Variants in GRIP1 observed in about 807,000 individuals in gnomAD.
GRIP1 encodes glutamate receptor-interacting protein 1.
In GRIP1, 45 loss-of-function variants were observed where a neutral mutation model predicts 129.9. That is an observed-to-expected ratio of 0.35 (90% CI 0.27 to 0.44). GRIP1 has a LOEUF of 0.44. Among genes scored for constraint, GRIP1 ranks in the 20% least tolerant of loss-of-function variants. The probability of loss-of-function intolerance (pLI) is 1.00; values close to 1 mark genes in which losing one functional copy is unlikely to be tolerated. For synonymous variants in GRIP1, 530 were observed against 520.8 expected (o/e 1.02, Z -0.24); for missense variants, 1,196 against 1,396.8 (o/e 0.86, Z 2.29).
At chr12:66,989,488 G>A (rs913623922) in intron 1 of GRIP1, among the ~76,000 whole-genome samples, 1 of 152,148 alleles carries the variant, frequency 6.6e-6, no homozygotes, top group Non-Finnish European at 1.5e-5. Context: ...TGCCTTCAGG[G>A]TTTGGAGTAA....
intron 2 of GRIP1, among the ~76,000 whole-genome samples, chr12:66,547,403 G>A (rs568374310): frequency 6.6e-6 from 1 of 152,214 alleles, no homozygotes; most frequent in East Asian, 1.9e-4. Context: ...CACCCTATGA[G>A]CCAGAAATTA....
chr12:66,970,540 C>CTT (rs3051201), intron 1 of GRIP1, among the ~76,000 whole-genome samples: 32,862 of 129,092 alleles, frequency 0.25, 4,318 homozygotes, highest in Middle Eastern at 0.33. Flanking sequence ...CCTCTAGTGT[C>CTT]TTTTTTTTTT....
At chr12:66,657,284 C>T (rs899457906) in intron 1 of GRIP1, among the ~76,000 whole-genome samples, 11 of 152,280 alleles carry the variant, frequency 7.2e-5, no homozygotes, top group Middle Eastern at 3.4e-3. Flanking sequence ...AGGACCCTCC[C>T]CACCACCCTG....
chr12:66,653,772 A>T (rs1243695018), intron 1 of GRIP1, among the ~76,000 whole-genome samples: 1 of 152,214 alleles, frequency 6.6e-6, no homozygotes, highest in Non-Finnish European at 1.5e-5. Context: ...AATGAAATTT[A>T]AAACAAAATT....
chr12:66,736,990 A>G (rs529547230), intron 1 of GRIP1, among the ~76,000 whole-genome samples: 4 of 151,822 alleles, frequency 2.6e-5, no homozygotes, highest in African/African-American at 9.7e-5. Context: ...CAGACTGACA[A>G]CTATTCATCA....
intron 1 of GRIP1, among the ~76,000 whole-genome samples, chr12:67,003,601 G>A (rs2042583029): frequency 6.6e-6 from 1 of 152,080 alleles, no homozygotes; most frequent in Admixed American, 6.5e-5. Flanking sequence ...GCTGAGGCAG[G>A]AGAATTGCTT....
chr12:66,956,230 T>C (rs1230605639), intron 1 of GRIP1, among the ~76,000 whole-genome samples: 2 of 152,224 alleles, frequency 1.3e-5, no homozygotes, highest in African/African-American at 4.8e-5. Flanking sequence ...TCTTTCCTTT[T>C]TTGTTATGAC....
chr12:66,472,643 C>G (rs1449982412), intron 7 of GRIP1, among the ~76,000 whole-genome samples: 1 of 152,148 alleles, frequency 6.6e-6, no homozygotes, highest in East Asian at 1.9e-4. Flanking sequence ...CTCACTGGGA[C>G]TGGTTAGACA....
intron 1 of GRIP1, among the ~76,000 whole-genome samples, chr12:66,831,017 T>A (rs2039507193): frequency 6.6e-6 from 1 of 151,944 alleles, no homozygotes; most frequent in African/African-American, 2.4e-5. Context: ...TGGGTAATTT[T>A]TTTATTTATT....
intron 7 of GRIP1, among the ~76,000 whole-genome samples, chr12:66,495,266 T>C (rs2060204278): frequency 6.6e-6 from 1 of 152,220 alleles, no homozygotes; most frequent in Non-Finnish European, 1.5e-5. Flanking sequence ...TTGCTTCTAT[T>C]ACGATGCAGT....
intron 1 of GRIP1, among the ~76,000 whole-genome samples, chr12:67,037,086 C>T (rs1266120574): frequency 6.6e-6 from 1 of 152,060 alleles, no homozygotes; most frequent in Non-Finnish European, 1.5e-5. Context: ...AATCCCAGCA[C>T]TTTGGAAGGC....
chr12:66,981,370 C>T (rs897198361), intron 1 of GRIP1, among the ~76,000 whole-genome samples: 1 of 152,208 alleles, frequency 6.6e-6, no homozygotes, highest in South Asian at 2.1e-4. Flanking sequence ...TTACATCTGT[C>T]TCCCTCAGAG....
At chr12:67,046,490 C>A (rs1256596068) in intron 1 of GRIP1, among the ~76,000 whole-genome samples, 1 of 152,114 alleles carries the variant, frequency 6.6e-6, no homozygotes, top group Non-Finnish European at 1.5e-5. Context: ...ATTTTGAGTC[C>A]TGGATTTTAA....
rs116980413 is a variant in GRIP1 at position 66,643,643 on chromosome 12, C to A, written c.55+35207G>T. On this transcript the variant is annotated intron_variant, in intron 1 of 24. Coordinates refer to ENST00000359742, the MANE Select transcript of GRIP1 (RefSeq NM_001366722.1). ...TGTCACCCAGGCTCTTAGCTTACTG[C>A]AGCCTCCACTTCCCTGGCTCAAGCG... Among the ~76,000 whole-genome samples the A allele has an allele frequency of 3.1e-4, 47 of 152,272 alleles. 1 individual carries two copies. The East Asian group carries it at 9.1e-3, about 29-fold the overall frequency.
At chr12:66,593,365 G>A (rs770767840) in intron 2 of GRIP1, among the ~76,000 whole-genome samples, 2 of 152,128 alleles carry the variant, frequency 1.3e-5, no homozygotes, top group Non-Finnish European at 2.9e-5. Flanking sequence ...GTTATTCTGA[G>A]TTTAGATAGG....
chr12:66,663,316 G>A (rs1044636800), intron 1 of GRIP1, among the ~76,000 whole-genome samples: 14 of 152,072 alleles, frequency 9.2e-5, no homozygotes, highest in African/African-American at 3.4e-4. Context: ...CATCTATATG[G>A]GGGGAAGGTA....
At chr12:66,631,733 G>A (rs924633154) in intron 1 of GRIP1, among the ~76,000 whole-genome samples, 5 of 152,200 alleles carry the variant, frequency 3.3e-5, no homozygotes, top group Non-Finnish European at 4.4e-5. Flanking sequence ...ACAAATTACA[G>A]CATAGTGGTC....
At chr12:66,883,782 G>A (rs2040519222) in intron 1 of GRIP1, among the ~76,000 whole-genome samples, 1 of 152,190 alleles carries the variant, frequency 6.6e-6, no homozygotes, top group Admixed American at 6.5e-5. Flanking sequence ...GTGGAGAAGA[G>A]GGCAGATCGG....
intron 1 of GRIP1, among the ~76,000 whole-genome samples, chr12:66,912,462 C>A (rs531601572): frequency 6.6e-6 from 1 of 151,960 alleles, no homozygotes; most frequent in Non-Finnish European, 1.5e-5. Flanking sequence ...TTTGATCTTC[C>A]TGGCAGCCTA....
Sources: allele counts gnomAD v4.1 joint callset (sites outside exome capture counted in the v4.1 genomes callset), GRCh38; gene constraint gnomAD v4.1.1; transcripts MANE v1.5; gene names NCBI Gene and HGNC (gene_info 2026-07-23, HGNC 2026-07-21).